PIP4K2A: variants seen among roughly 807,000 people sequenced by gnomAD.
PIP4K2A encodes the protein phosphatidylinositol 5-phosphate 4-kinase type-2 alpha.
PIP4K2A carries 14 observed loss-of-function variants against 42.9 expected under a neutral mutation model. That is an observed-to-expected ratio of 0.33 (90% CI 0.22 to 0.51). The LOEUF is 0.51. Among genes scored for constraint, PIP4K2A ranks in the 20% least tolerant of loss-of-function variants. The pLI is 0.97. For missense variants in PIP4K2A, 434 were observed against 519.8 expected (o/e 0.83, Z 1.61); for synonymous variants, 192 against 192.2 (o/e 1.00, Z 0.01).
intron 1 of PIP4K2A, among the ~76,000 whole-genome samples, chr10:22,707,932 A>T (rs1395863121): frequency 6.6e-6 from 1 of 152,190 alleles, no homozygotes; most frequent in African/African-American, 2.4e-5. Context: ...TGAGGAGTCT[A>T]TGGCCTTCAC....
chr10:22,548,188 A>G (rs965494907), intron 7 of PIP4K2A, among the ~76,000 whole-genome samples: 2 of 152,234 alleles, frequency 1.3e-5, no homozygotes, highest in African/African-American at 4.8e-5. Flanking sequence ...TTCTGCATAA[A>G]TTTCAAAACT....
At position 22,541,945 on chromosome 10, in the gene PIP4K2A, C is replaced by T. The variant is rs1376516589; in HGVS notation, c.895G>A (p.Glu299Lys). The T allele has an allele frequency of 1.9e-6, 3 of 1,613,974 alleles. No homozygotes were observed. Among genetic ancestry groups the T allele is most frequent in the South Asian group, 1.1e-5 (1 of 91,084 alleles). Residue 299 changes from glutamate to lysine, a missense_variant, in exon 8 of 10, where the codon GAG (glutamate) becomes AAG (lysine). By Grantham distance (56) the Glu-to-Lys change is moderately conservative. This residue lies in a region of PIP4K2A where 395 missense variants were observed against 444.5 expected (regional missense o/e 0.89). Coordinates refer to ENST00000376573, the MANE Select transcript of PIP4K2A (RefSeq NM_005028.5). ...EEVECEENDG[E>K]EEGESDGTHP... is the part of the protein sequence containing the mutation. The stretch of plus-strand genomic sequence containing the variant: ...GTGCCATCGCTCTCGCCCTCCTCCT[C>T]CCCATCGTTCTCCTCACACTCCACT...
At chr10:22,562,177 G>A (rs1312311666) in intron 6 of PIP4K2A, among the ~76,000 whole-genome samples, 1 of 152,160 alleles carries the variant, frequency 6.6e-6, no homozygotes, top group Non-Finnish European at 1.5e-5. Context: ...ATCATGGAAA[G>A]AAAACCCAAA....
intron 4 of PIP4K2A, among the ~76,000 whole-genome samples, chr10:22,582,769 T>A (rs916867746): frequency 6.6e-6 from 1 of 151,970 alleles, no homozygotes; most frequent in African/African-American, 2.4e-5. Flanking sequence ...ATTGCTCTGG[T>A]GTACAATGAC....
At chr10:22,578,006 T>C (rs1049783023) in intron 4 of PIP4K2A, among the ~76,000 whole-genome samples, 2 of 152,188 alleles carry the variant, frequency 1.3e-5, no homozygotes, top group Non-Finnish European at 2.9e-5. Context: ...GAGAAGTCCT[T>C]ATGTTTCAGA....
At chr10:22,540,392 T>A (rs541951531) in intron 8 of PIP4K2A, among the ~76,000 whole-genome samples, 1 of 152,200 alleles carries the variant, frequency 6.6e-6, no homozygotes, top group East Asian at 1.9e-4. Context: ...TGCATTTTCT[T>A]TAATAATTGT....
intron 1 of PIP4K2A, among the ~76,000 whole-genome samples, chr10:22,622,923 AAAG>A (rs1421005352): frequency 6.6e-6 from 1 of 152,226 alleles, no homozygotes; most frequent in Non-Finnish European, 1.5e-5. Context: ...ATTTCAAAAA[AAAG>A]AAGGATGAGG....
intron 1 of PIP4K2A, among the ~76,000 whole-genome samples, chr10:22,664,118 T>TATATATAC (rs1839280074): frequency 1.2e-4 from 7 of 58,546 alleles, no homozygotes; most frequent in African/African-American, 1.8e-4. Context: ...TATATATACA[T>TATATATAC]ATATATATAT....
intron 1 of PIP4K2A, among the ~76,000 whole-genome samples, chr10:22,711,647 G>C (rs916646958): frequency 2.6e-5 from 4 of 152,224 alleles, no homozygotes; most frequent in Non-Finnish European, 5.9e-5. Context: ...CAGATTCAAT[G>C]AGCGTTTTAC....
intron 3 of PIP4K2A, among the ~76,000 whole-genome samples, chr10:22,604,889 C>T (rs12254527): frequency 6.6e-6 from 1 of 152,210 alleles, no homozygotes; most frequent in Non-Finnish European, 1.5e-5. Context: ...TGCCAGGCAG[C>T]TGAAGCCCCA....
intron 1 of PIP4K2A, among the ~76,000 whole-genome samples, chr10:22,710,444 T>C (rs567069948): frequency 1.7e-4 from 26 of 152,244 alleles, no homozygotes; most frequent in Non-Finnish European, 3.2e-4. Flanking sequence ...CCAAGTGGAA[T>C]CCTTCCACGG....
At chr10:22,616,720 T>C (rs1588665856) in intron 1 of PIP4K2A, among the ~76,000 whole-genome samples, 1 of 152,104 alleles carries the variant, frequency 6.6e-6, no homozygotes, top group Non-Finnish European at 1.5e-5. Context: ...ATTAAGTACA[T>C]GTTTAGGGCA....
At chr10:22,559,700 G>C (rs556765112) in intron 6 of PIP4K2A, among the ~76,000 whole-genome samples, 2 of 152,228 alleles carry the variant, frequency 1.3e-5, no homozygotes, top group African/African-American at 4.8e-5. Context: ...ATCTGGAATA[G>C]AGAAGATTTT....
At chr10:22,579,982 C>T (rs1478616239) in intron 4 of PIP4K2A, among the ~76,000 whole-genome samples, 2 of 151,726 alleles carry the variant, frequency 1.3e-5, no homozygotes, top group African/African-American at 4.9e-5. Context: ...ATAAGGGAAA[C>T]AAGACCTGCT....
chr10:22,687,317 A>C (rs1588707665), intron 1 of PIP4K2A, among the ~76,000 whole-genome samples: 1 of 152,112 alleles, frequency 6.6e-6, no homozygotes, highest in East Asian at 1.9e-4. Context: ...ACTCTTTTTA[A>C]AAAGGTCAGG....
intron 1 of PIP4K2A, among the ~76,000 whole-genome samples, chr10:22,653,295 G>T (rs907699304): frequency 4.6e-5 from 7 of 151,652 alleles, no homozygotes; most frequent in Non-Finnish European, 7.4e-5. Context: ...ATGAAGGAAG[G>T]CAGTGCATGA....
At chr10:22,659,044 C>T (rs1006163222) in intron 1 of PIP4K2A, among the ~76,000 whole-genome samples, 4 of 152,182 alleles carry the variant, frequency 2.6e-5, no homozygotes, top group African/African-American at 2.4e-5. Context: ...GCCTTGGCTC[C>T]GAGGTTGGGA....
chr10:22,590,016 C>A (rs1033220560), intron 4 of PIP4K2A, among the ~76,000 whole-genome samples: 1 of 152,082 alleles, frequency 6.6e-6, no homozygotes, highest in Non-Finnish European at 1.5e-5. Context: ...GAGCTTAGAG[C>A]CCTCATTATG....
At chr10:22,678,329 C>T (rs550167484) in intron 1 of PIP4K2A, among the ~76,000 whole-genome samples, 58 of 152,044 alleles carry the variant, frequency 3.8e-4, no homozygotes, top group African/African-American at 1.3e-3. Context: ...CATGTGGTCC[C>T]TGAATTCTTT....
Sources: gnomAD v4.1 joint callset for allele counts (sites outside exome capture counted in the v4.1 genomes callset) on GRCh38, gnomAD v4.1.1 for gene constraint, gnomAD v4.1.1 regional missense constraint, MANE v1.5 for transcripts, NCBI Gene and HGNC (gene_info 2026-07-23, HGNC 2026-07-21) for gene names.